Variants in SH3GL3 observed in about 807,000 individuals in gnomAD.
SH3GL3 encodes SH3 domain containing GRB2 like 3, endophilin A3.
Under a neutral mutation model 47.7 loss-of-function variants are expected in SH3GL3, and 33 were observed. That is an observed-to-expected ratio of 0.69 (90% CI 0.52 to 0.92). The LOEUF (loss-of-function observed/expected upper bound fraction) is 0.92. Ranked by LOEUF, SH3GL3 falls within the 40% of genes least tolerant of loss-of-function variation. SH3GL3 has a pLI of 0.00. For synonymous variants in SH3GL3, 155 were observed against 148.8 expected (o/e 1.04, Z -0.30); for missense variants, 363 against 417.8 (o/e 0.87, Z 1.14).
At chr15:83,585,376 T>C (rs1392005595) in intron 6 of SH3GL3, among the ~76,000 whole-genome samples, 1 of 152,140 alleles carries the variant, frequency 6.6e-6, no homozygotes, top group East Asian at 1.9e-4. Flanking sequence ...ACCCCAAATA[T>C]GTTTCAAGAA....
At chr15:83,499,343 T>C (rs777359134) in intron 1 of SH3GL3, among the ~76,000 whole-genome samples, 2 of 149,742 alleles carry the variant, frequency 1.3e-5, no homozygotes, top group Non-Finnish European at 2.9e-5. Context: ...GTAAATCTGA[T>C]ATTTATGTTA....
At chr15:83,537,225 G>C (rs2043952885) in intron 1 of SH3GL3, among the ~76,000 whole-genome samples, 2 of 151,992 alleles carry the variant, frequency 1.3e-5, no homozygotes, top group South Asian at 4.2e-4. Context: ...TGGAATGTTG[G>C]GAAAGATCTC....
At position 83,448,534 on chromosome 15, in the gene SH3GL3, A is replaced by G. The variant is rs565669265; in HGVS notation, c.45+956A>G. Among the ~76,000 whole-genome samples the G allele has an allele frequency of 6.6e-6, 1 of 150,844 alleles. No homozygotes were observed. Among genetic ancestry groups the G allele is most frequent in the Non-Finnish European group, 1.5e-5 (1 of 67,846 alleles). On this transcript the variant is annotated intron_variant, in intron 1 of 8. Coordinates refer to ENST00000427482, the MANE Select transcript of SH3GL3 (RefSeq NM_003027.5). The surrounding 1 kb of genome is among the most constrained non-coding windows in gnomAD (Gnocchi z 4.2). The stretch of plus-strand genomic sequence containing the variant: ...ATCAACATTGCAGGCTCTTCCAGCT[A>G]TGGCAGAGCTCACGTTGTAAAACCT...
At chr15:83,476,030 T>C (rs2041079318) in intron 1 of SH3GL3, among the ~76,000 whole-genome samples, 1 of 152,222 alleles carries the variant, frequency 6.6e-6, no homozygotes, top group South Asian at 2.1e-4. Context: ...ATGTGGTGGA[T>C]GCTATACAAA....
intron 8 of SH3GL3, among the ~76,000 whole-genome samples, chr15:83,608,256 C>T (rs2060579623): frequency 6.6e-6 from 1 of 152,134 alleles, no homozygotes; most frequent in East Asian, 1.9e-4. Flanking sequence ...TTGACTTTTA[C>T]TAGATTTTAC....
intron 1 of SH3GL3, among the ~76,000 whole-genome samples, chr15:83,539,861 T>G (rs1031620522): frequency 6.6e-6 from 1 of 152,142 alleles, no homozygotes; most frequent in Admixed American, 6.6e-5. Flanking sequence ...TATTTTAAGG[T>G]CAGTGAGGAA....
At chr15:83,605,692 C>T (rs1596340810) in intron 8 of SH3GL3, among the ~76,000 whole-genome samples, 1 of 152,222 alleles carries the variant, frequency 6.6e-6, no homozygotes, top group East Asian at 1.9e-4. Flanking sequence ...AGGGGAGAAT[C>T]ACATCTTGAA....
At position 83,541,310 on chromosome 15, in the gene SH3GL3, C is replaced by CAATTTTTTT. The variant is rs1567318555; in HGVS notation, c.46-17943_46-17942insAATTTTTTT. On this transcript the variant is annotated intron_variant, in intron 1 of 8. Transcript: ENST00000427482. ...GGGATGGCTGGATCATATGGTAATT[C>CAATTTTTTT]TATTTTTTTTTTTTTTTTTTTTTTT... 1.7e-4 allele frequency among the ~76,000 whole-genome samples: 8 copies of CAATTTTTTT among 47,750 alleles called. 2 individuals carry two copies. The highest frequency in any genetic ancestry group is 5.2e-4 in the African/African-American group (8 of 15,292). 31.3% of individuals were successfully genotyped at this position (47,750 alleles called of 152,430 possible). A position where few individuals can be genotyped will look rare whatever the true frequency, so the allele number is the denominator to read the frequency against.
At chr15:83,615,024 C>G (rs1567040415) in intron 8 of SH3GL3, among the ~76,000 whole-genome samples, 5 of 150,784 alleles carry the variant, frequency 3.3e-5, no homozygotes. Context: ...CACTTGAAGT[C>G]TAGAGGGAGG....
chr15:83,548,422 T>TAA (rs2044509593), intron 1 of SH3GL3, among the ~76,000 whole-genome samples: 1 of 150,742 alleles, frequency 6.6e-6, no homozygotes, highest in African/African-American at 2.4e-5. Flanking sequence ...TGTATATATA[T>TAA]AATACATACA....
downstream of SH3GL3, among the ~76,000 whole-genome samples, chr15:83,621,637 GC>G (rs1401390810): frequency 1.5e-4 from 23 of 152,296 alleles, no homozygotes; most frequent in African/African-American, 5.1e-4. Flanking sequence ...GAGACAGAAA[GC>G]ACATGCTGTT....
At chr15:83,584,359 T>A (rs1412936296) in intron 6 of SH3GL3, among the ~76,000 whole-genome samples, 1 of 152,238 alleles carries the variant, frequency 6.6e-6, no homozygotes, top group South Asian at 2.1e-4. Context: ...CATGTTAAGA[T>A]CCTTAACTCA....
chr15:83,457,288 G>A (rs1454659377), intron 1 of SH3GL3, among the ~76,000 whole-genome samples: 1 of 152,154 alleles, frequency 6.6e-6, no homozygotes, highest in Non-Finnish European at 1.5e-5. Flanking sequence ...ATCTACTGAT[G>A]ACACTTGTGG....
chr15:83,620,263 G>T (rs1265843273), downstream of SH3GL3, among the ~76,000 whole-genome samples: 1 of 152,110 alleles, frequency 6.6e-6, no homozygotes, highest in Non-Finnish European at 1.5e-5. Flanking sequence ...TTGATATTTT[G>T]ACTTCCTCCC....
chr15:83,623,511 G>T (rs2060920438), downstream of SH3GL3, among the ~76,000 whole-genome samples: 1 of 152,240 alleles, frequency 6.6e-6, no homozygotes, highest in Admixed American at 6.5e-5. Context: ...AGGTGGAAAG[G>T]CCAAAATGCT....
chr15:83,567,969 C>A (rs865883201), intron 3 of SH3GL3, among the ~76,000 whole-genome samples: 1 of 144,516 alleles, frequency 6.9e-6, no homozygotes, highest in East Asian at 2.0e-4. Context: ...TTTTTTTTTT[C>A]TTTCTTTCTT....
chr15:83,473,076 G>T (rs1324628688), intron 1 of SH3GL3, among the ~76,000 whole-genome samples: 3 of 152,158 alleles, frequency 2.0e-5, no homozygotes, highest in Admixed American at 1.3e-4. Flanking sequence ...ACACCATGGC[G>T]GGGGCAGCCT....
At chr15:83,467,584 T>C (rs1353710464) in intron 1 of SH3GL3, among the ~76,000 whole-genome samples, 1 of 152,380 alleles carries the variant, frequency 6.6e-6, no homozygotes, top group East Asian at 1.9e-4. Flanking sequence ...GGAGTTTTGA[T>C]AGGAATTGCG....
chr15:83,502,502 T>G (rs2042337276), intron 1 of SH3GL3, among the ~76,000 whole-genome samples: 1 of 152,240 alleles, frequency 6.6e-6, no homozygotes, highest in Non-Finnish European at 1.5e-5. Flanking sequence ...TGGAGGTACC[T>G]TATATATGCC....
Sources: allele counts gnomAD v4.1 joint callset (sites outside exome capture counted in the v4.1 genomes callset), GRCh38; gene constraint gnomAD v4.1.1; non-coding constraint Gnocchi (gnomAD v3.1); transcripts MANE v1.5; gene names NCBI Gene and HGNC (gene_info 2026-07-23, HGNC 2026-07-21).